TFAM: variants seen among roughly 807,000 people sequenced by gnomAD.
TFAM encodes transcription factor A, mitochondrial, also known as mitochondrial transcription factor 1.
Under a neutral mutation model 30.6 loss-of-function variants are expected in TFAM, and 13 were observed. That is an observed-to-expected ratio of 0.42 (90% CI 0.28 to 0.67). The LOEUF is 0.67. Ranked by LOEUF, TFAM falls within the 30% of genes least tolerant of loss-of-function variation. The pLI is 0.21. For missense variants in TFAM, 231 were observed against 293.7 expected (o/e 0.79, Z 1.56); for synonymous variants, 106 against 94.8 (o/e 1.12, Z -0.69).
chr10:58,387,360 T>C (rs1281448012), intron 2 of TFAM, among the ~76,000 whole-genome samples: 2 of 152,200 alleles, frequency 1.3e-5, no homozygotes, highest in African/African-American at 4.8e-5. Flanking sequence ...ATGTAAGAGT[T>C]AGTACTAACA....
Position 58,386,377 on chromosome 10 carries a change from T to TA in TFAM, c.220+44dup, listed in dbSNP as rs764417260. 5 of 1,399,716 alleles carry TA rather than the reference T, an allele frequency of 3.6e-6. No individual in the cohort carries two copies. The African/African-American group carries it at 7.1e-5, about 20-fold the overall frequency. 86.7% of individuals were successfully genotyped at this position (1,399,716 alleles called of 1,614,324 possible). Reference sequence around the variant, plus strand: ...GGGCATATACCCTTTTCTCATGTAATAAAAATGCCATTAAGCAGTTAAATA... The same window carrying TA: ...GGGCATATACCCTTTTCTCATGTAATAAAAAATGCCATTAAGCAGTTAAATA... On this transcript the variant is annotated intron_variant, in intron 2 of 6. Coordinates refer to ENST00000487519, the MANE Select transcript of TFAM (RefSeq NM_003201.3).
rs1478664269 is a variant in TFAM at position 58,385,777 on chromosome 10, C to A, written c.101+129C>A. 5 of 761,104 alleles carry A rather than the reference C, an allele frequency of 6.6e-6. No individual in the cohort carries two copies. The East Asian group carries it at 1.3e-4, about 20-fold the overall frequency. 47.1% of individuals were successfully genotyped at this position (761,104 alleles called of 1,614,324 possible). On this transcript the variant is annotated intron_variant, in intron 1 of 6. Transcript: ENST00000487519. ...GTCACCCTGGTTCTTTGATTCAGAC[C>A]GCGACCTTGCCAAGGGGACGGTGGC... is the stretch of plus-strand genomic sequence containing the variant.
Position 58,385,421 on chromosome 10 carries a change from CTA to C in TFAM, c.-126_-125del. 1.4e-6 allele frequency: 1 copy of C among 740,318 alleles called. No individual in the cohort carries two copies. Among genetic ancestry groups the C allele is most frequent in the Non-Finnish European group, 2.4e-6 (1 of 418,180 alleles). The allele number at this position is 740,318 out of a possible 1,614,324, so 45.9% of individuals were successfully genotyped here. A position where few individuals can be genotyped will look rare whatever the true frequency, so the allele number is the denominator to read the frequency against. On this transcript the variant is annotated 5_prime_UTR_variant, in exon 1 of 7. Transcript: ENST00000487519. ...TTAGCAGATTTCCCATAGTGCCTCG[CTA>C]GTGGCGGGCATGATAACACACGCCG... is the stretch of plus-strand genomic sequence containing the variant.
In TFAM at chr10:58,394,424, A is replaced by G. The variant is rs1288369807; in HGVS notation, c.594+10A>G. 6 of 1,611,902 alleles carry G rather than the reference A, an allele frequency of 3.7e-6. No homozygotes were observed. The highest frequency in any genetic ancestry group is 5.1e-6 in the Non-Finnish European group (6 of 1,178,102). On this transcript the variant is annotated intron_variant, in intron 6 of 6. Transcript: ENST00000487519. ...TGACTCTGAAAAGGAAGTGAGTATT[A>G]CGGTTGTTAGTCTCAAGTGTCTACT... is the stretch of plus-strand genomic sequence containing the variant.
rs924403325 is a variant in TFAM at position 58,385,644 on chromosome 10, T to A, written c.97T>A (p.Phe33Ile). The change falls in exon 1 of 7, where the codon TTC becomes ATC. Residue 33 changes from phenylalanine to isoleucine, a missense_variant. Phe to Ile is a conservative substitution (Grantham distance 21). Coordinates refer to ENST00000487519, the MANE Select transcript of TFAM (RefSeq NM_003201.3). ...CTGTGGAAGTCGACTGCGCTCCCCC[T>A]TCAGGTAGGCCCGCTTGCCTGTGCC... ...TGCGSRLRSP[F>I]SFVYLPRWFS... 1.3e-6 allele frequency: 2 copies of A among 1,555,180 alleles called. No homozygotes were observed. The highest frequency in any genetic ancestry group is 2.7e-5 in the African/African-American group (2 of 73,296).
At chr10:58,389,609 G>A (rs1020877431) in intron 4 of TFAM, among the ~76,000 whole-genome samples, 1 of 152,160 alleles carries the variant, frequency 6.6e-6, no homozygotes, top group African/African-American at 2.4e-5. Context: ...GCCCAGTTTC[G>A]AGACCATGAT....
intron 5 of TFAM, among the ~76,000 whole-genome samples, chr10:58,393,758 G>T (rs1333664963): frequency 1.3e-5 from 2 of 152,088 alleles, no homozygotes; most frequent in Non-Finnish European, 2.9e-5. Context: ...AACCAGGCAT[G>T]GTGGTGCATA....
intron 6 of TFAM, 100 bp downstream of exon 6, chr10:58,394,514 C>G (rs1238235247): frequency 2.1e-6 from 2 of 968,886 alleles, no homozygotes; most frequent in Non-Finnish European, 3.4e-6. Context: ...CCTTGTATTA[C>G]TAATAATACA....
At position 58,397,749 on chromosome 10, in the gene TFAM, T is replaced by TTGTGTGTGTGTGTG. The variant is rs145920676; in HGVS notation, c.*2686_*2699dup. On this transcript the variant is annotated 3_prime_UTR_variant, in exon 7 of 7. Coordinates refer to ENST00000487519, the MANE Select transcript of TFAM (RefSeq NM_003201.3). ...AATGACCACTCATATAAAGTCTTAT[T>TTGTGTGTGTGTGTG]TGTGTGTGTGTGTGTGTGTGTGTGC... 6 of 143,034 alleles carry TTGTGTGTGTGTGTG rather than the reference T, an allele frequency of 4.2e-5. No individual in the cohort carries two copies. Among genetic ancestry groups the TTGTGTGTGTGTGTG allele is most frequent in the Non-Finnish European group, 9.0e-5 (6 of 66,702 alleles). The allele number at this position is 143,034 out of a possible 1,614,324, so 8.9% of individuals were successfully genotyped here.
intron 5 of TFAM, among the ~76,000 whole-genome samples, chr10:58,391,572 A>AT (rs919350008): frequency 5.2e-4 from 79 of 151,602 alleles, no homozygotes; most frequent in African/African-American, 1.8e-3. Flanking sequence ...TTGCTTCTTG[A>AT]TTTTTTTTCA....
rs72797429 is a variant in TFAM at position 58,386,014 on chromosome 10, A to G, written c.102-206A>G. Among the ~76,000 whole-genome samples, 1,247 of 152,108 alleles carry G rather than the reference A, an allele frequency of 8.2e-3. 13 individuals carry two copies. Among genetic ancestry groups the G allele is most frequent in the Non-Finnish European group, 0.015 (1,018 of 67,902 alleles). ...CTTTCCTTCACTCCCTGCCCTTCCT[A>G]GGAGGTAAGGGCTTTGAGACTTCAG... On this transcript the variant is annotated intron_variant, in intron 1 of 6. Transcript: ENST00000487519.
Position 58,390,031 on chromosome 10 carries a change from C to G in TFAM, c.442-734C>G, listed in dbSNP as rs917656785. On this transcript the variant is annotated intron_variant, in intron 4 of 6. Transcript: ENST00000487519. ...TGGAGTCTATAGTAGTTTCAATACT[C>G]AGTGACTGAGAGATTCAGGAAGAAG... 2.0e-5 allele frequency among the ~76,000 whole-genome samples: 3 copies of G among 152,156 alleles called. No homozygotes were observed. The South Asian group carries it at 6.2e-4, about 32-fold the overall frequency.
intron 4 of TFAM, 54 bp from the exon 5 acceptor site, chr10:58,390,711 T>A (rs1840576674): frequency 1.5e-6 from 2 of 1,342,850 alleles, no homozygotes; most frequent in Non-Finnish European, 2.1e-6. Context: ...GTAGGTAAAA[T>A]TAAGTCTCAT....
In TFAM at chr10:58,385,574, C is replaced by T; in HGVS notation, c.27C>T (p.Gly9=). The T allele has an allele frequency of 6.4e-7, 1 of 1,570,182 alleles. No homozygotes were observed. The highest frequency in any genetic ancestry group is 8.6e-7 in the Non-Finnish European group (1 of 1,157,094). ...TGGCGTTTCTCCGAAGCATGTGGGG[C>T]GTGCTGAGTGCCCTGGGAAGGTCTG... The part of the protein sequence containing the change: MAFLRSMW[G]VLSALGRSGA... The change falls in exon 1 of 7, where the codon GGC becomes GGT. Residue 9 remains glycine (G), a synonymous_variant. Coordinates refer to ENST00000487519, the MANE Select transcript of TFAM (RefSeq NM_003201.3).
chr10:58,388,131 GA>G (rs1293322182), intron 2 of TFAM, 58 bp from the exon 3 acceptor site: 2 of 1,356,854 alleles, frequency 1.5e-6, no homozygotes, highest in African/African-American at 2.9e-5. Context: ...GATATCTTTA[GA>G]AATTAATCCT....
chr10:58,395,030 C>T lies in TFAM; in HGVS notation c.697C>T (p.Arg233Cys), dbSNP rs145270469. 72 of 1,613,404 alleles carry T rather than the reference C, an allele frequency of 4.5e-5. No homozygotes were observed. The highest frequency in any genetic ancestry group is 5.5e-5 in the Non-Finnish European group (65 of 1,179,700). ...AGTTGGACGAAAGGATCTTCTACGT[C>T]GCACAATAAAGAAACAACGAAAATA... ...IEVGRKDLLRRTIKKQRKYGA... is the reference protein window; with the variant it reads ...IEVGRKDLLRCTIKKQRKYGA... The change falls in exon 7 of 7, where the codon CGC (arginine) becomes TGC (cysteine). Residue 233 changes from arginine (R) to cysteine (C), a missense_variant. Arg to Cys is a radical substitution (Grantham distance 180). Coordinates refer to ENST00000487519, the MANE Select transcript of TFAM (RefSeq NM_003201.3).
intron 5 of TFAM, among the ~76,000 whole-genome samples, chr10:58,393,069 T>C (rs1465042921): frequency 6.6e-6 from 1 of 151,892 alleles, no homozygotes; most frequent in African/African-American, 2.4e-5. Flanking sequence ...AACCTGCGCC[T>C]CCCGGGTTCA....
intron 2 of TFAM, among the ~76,000 whole-genome samples, chr10:58,387,590 T>C (rs1156269489): frequency 6.6e-6 from 1 of 152,102 alleles, no homozygotes; most frequent in Non-Finnish European, 1.5e-5. Context: ...GCTTGAAATA[T>C]GGAAGGGAAG....
chr10:58,397,391 T>C lies in TFAM; in HGVS notation c.*2317T>C, dbSNP rs1218248360. ...CCCAAATATATTGGGAAGTTCAGTG[T>C]TAAGTACGTTTCTCAAGTACTTAAC... On this transcript the variant is annotated 3_prime_UTR_variant, in exon 7 of 7. Coordinates refer to ENST00000487519, the MANE Select transcript of TFAM (RefSeq NM_003201.3). 1 of 152,166 alleles carries C rather than the reference T, an allele frequency of 6.6e-6. No individual in the cohort carries two copies. 9.4% of individuals were successfully genotyped at this position (152,166 alleles called of 1,614,324 possible).
Sources: gnomAD v4.1 joint callset for allele counts (sites outside exome capture counted in the v4.1 genomes callset) on GRCh38, gnomAD v4.1.1 for gene constraint, MANE v1.5 for transcripts, NCBI Gene and HGNC (gene_info 2026-07-23, HGNC 2026-07-21) for gene names.